Variants in KLHL7 observed in about 807,000 individuals in gnomAD.
The protein encoded by KLHL7 is kelch like family member 7, also known as kelch-like protein 7.
KLHL7 carries 44 observed loss-of-function variants against 67.4 expected under a neutral mutation model. The ratio of observed to expected loss-of-function variants is 0.65; its 90% confidence interval spans 0.51 to 0.84. The LOEUF (loss-of-function observed/expected upper bound fraction) is 0.84, where lower values mean the gene tolerates loss of function less well. Ranked by LOEUF, KLHL7 falls within the 40% of genes least tolerant of loss-of-function variation. The pLI is 0.00. For missense variants in KLHL7, 362 were observed against 718.1 expected (o/e 0.50, Z 5.67); for synonymous variants, 252 against 243.3 (o/e 1.04, Z -0.33).
intron 1 of KLHL7, among the ~76,000 whole-genome samples, chr7:23,108,429 A>G (rs765431569): frequency 3.9e-5 from 6 of 152,180 alleles, no homozygotes; most frequent in Non-Finnish European, 7.3e-5. Context: ...CTCTCCAGTG[A>G]AGTATGGGAT....
chr7:23,171,960 C>T (rs1785176692), intron 9 of KLHL7, among the ~76,000 whole-genome samples: 1 of 152,234 alleles, frequency 6.6e-6, no homozygotes, highest in Admixed American at 6.5e-5. Flanking sequence ...CCGCCTGCCT[C>T]GGCCTCCCAA....
At chr7:23,150,101 T>C (rs1310125872) in intron 6 of KLHL7, among the ~76,000 whole-genome samples, 1 of 152,070 alleles carries the variant, frequency 6.6e-6, no homozygotes, top group Non-Finnish European at 1.5e-5. Flanking sequence ...AAGGTTATAG[T>C]GAGTTGTTAT....
intron 4 of KLHL7, among the ~76,000 whole-genome samples, chr7:23,125,517 T>C (rs887906708): frequency 5.9e-5 from 9 of 152,330 alleles, no homozygotes; most frequent in Middle Eastern, 3.4e-3. Flanking sequence ...CTAAGGTCTA[T>C]CACAGATGAG....
intron 10 of KLHL7, among the ~76,000 whole-genome samples, chr7:23,173,330 C>A (rs958589662): frequency 2.0e-5 from 3 of 152,144 alleles, no homozygotes; most frequent in Admixed American, 1.3e-4. Context: ...AGCTTAAGAA[C>A]TATTGAGCAA....
rs999105752 is a variant in KLHL7 at position 23,176,218 on chromosome 7, C to T, written c.*1920C>T. The T allele has an allele frequency of 6.6e-6, 1 of 152,144 alleles. No individual in the cohort carries two copies. Among genetic ancestry groups the T allele is most frequent in the African/African-American group, 2.4e-5 (1 of 41,426 alleles). 9.4% of individuals were successfully genotyped at this position (152,144 alleles called of 1,614,324 possible). A position where few individuals can be genotyped will look rare whatever the true frequency, so the allele number is the denominator to read the frequency against. ...AGCCAGCACTCCTAAATCAAGTTGT[C>T]AGCAGGGTTAGTTCCTTCTGGAGGG... On this transcript the variant is annotated 3_prime_UTR_variant, in exon 11 of 11. Coordinates refer to ENST00000339077, the MANE Select transcript of KLHL7 (RefSeq NM_001031710.3).
In KLHL7 at chr7:23,154,000, T is replaced by A. The variant is rs1443266950; in HGVS notation, c.936+1791T>A. Among the ~76,000 whole-genome samples the A allele has an allele frequency of 2.6e-5, 4 of 152,220 alleles. No homozygotes were observed. The East Asian group carries it at 7.7e-4, about 29-fold the overall frequency. On this transcript the variant is annotated intron_variant, in intron 7 of 10. Transcript: ENST00000339077. The stretch of plus-strand genomic sequence containing the variant: ...GCATGCCATTCATTCTCTGACCCAG[T>A]TGCAGGAAAGCAGCCATAAACAATA...
chr7:23,141,179 A>G (rs761262487), intron 5 of KLHL7, among the ~76,000 whole-genome samples: 4 of 152,216 alleles, frequency 2.6e-5, no homozygotes, highest in Non-Finnish European at 5.9e-5. Flanking sequence ...GCCTTCCCCA[A>G]AGAAGTCCAC....
intron 1 of KLHL7, among the ~76,000 whole-genome samples, chr7:23,113,133 A>G (rs1236786474): frequency 4.1e-5 from 2 of 49,334 alleles, no homozygotes. Context: ...TCTTTTCTCT[A>G]AAAAAAAAAA....
chr7:23,112,140 C>G (rs1453077069), intron 1 of KLHL7, among the ~76,000 whole-genome samples: 1 of 152,098 alleles, frequency 6.6e-6, no homozygotes, highest in Non-Finnish European at 1.5e-5. Flanking sequence ...TAAGTGTTAG[C>G]TATTTGTATT....
intron 7 of KLHL7, among the ~76,000 whole-genome samples, chr7:23,163,538 A>G (rs1480654984): frequency 2.6e-5 from 4 of 152,240 alleles, no homozygotes; most frequent in Non-Finnish European, 5.9e-5. Flanking sequence ...ACATAGGGCA[A>G]GATACAATGG....
chr7:23,122,796 G>A (rs1384867176), intron 1 of KLHL7, among the ~76,000 whole-genome samples: 3 of 151,888 alleles, frequency 2.0e-5, no homozygotes, highest in Non-Finnish European at 4.4e-5. Context: ...CTTAAAATTT[G>A]CAAAATGCAA....
At chr7:23,118,681 T>C (rs1335604320) in intron 1 of KLHL7, among the ~76,000 whole-genome samples, 1 of 152,216 alleles carries the variant, frequency 6.6e-6, no homozygotes, top group Non-Finnish European at 1.5e-5. Context: ...ATCTCATGGT[T>C]CCTTAAATGA....
rs534737488 is a variant in KLHL7, at chr7:23,175,093, G to A, written c.*795G>A. On this transcript the variant is annotated 3_prime_UTR_variant, in exon 11 of 11. Coordinates refer to ENST00000339077, the MANE Select transcript of KLHL7 (RefSeq NM_001031710.3). ...CTAGCAAAAAGTAAAGCTATTTATA[G>A]CAAATTTCTAGATCATTAGAAAAGC... The A allele has an allele frequency of 1.4e-4, 65 of 453,894 alleles. No individual in the cohort carries two copies. Among genetic ancestry groups the A allele is most frequent in the Non-Finnish European group, 2.7e-4 (62 of 226,758 alleles). 28.1% of individuals were successfully genotyped at this position (453,894 alleles called of 1,614,324 possible). A position where few individuals can be genotyped will look rare whatever the true frequency, so the allele number is the denominator to read the frequency against.
chr7:23,163,756 GAT>G (rs547124542), intron 7 of KLHL7, among the ~76,000 whole-genome samples: 2 of 152,114 alleles, frequency 1.3e-5, no homozygotes, highest in Non-Finnish European at 2.9e-5. Flanking sequence ...TATAATGAGA[GAT>G]ATATCAAAAT....
At chr7:23,144,565 T>C (rs544241011) in intron 6 of KLHL7, among the ~76,000 whole-genome samples, 14 of 152,360 alleles carry the variant, frequency 9.2e-5, no homozygotes, top group African/African-American at 3.1e-4. Context: ...TATTCCAATA[T>C]GAACTGTTTG....
At position 23,175,953 on chromosome 7, in the gene KLHL7, T is replaced by TTAA. The variant is rs1487347587; in HGVS notation, c.*1655_*1656insTAA. Reference sequence around the variant, plus strand: ...CCCAGCCTGGGCAACAGAGCAAGACTAAAAAAAAAAAAAAAAAAAAAAAAA... The same window carrying TTAA: ...CCCAGCCTGGGCAACAGAGCAAGACTTAAAAAAAAAAAAAAAAAAAAAAAAAAA... On this transcript the variant is annotated 3_prime_UTR_variant, in exon 11 of 11. Transcript: ENST00000339077. The TTAA allele has an allele frequency of 3.3e-5, 2 of 60,500 alleles. No homozygotes were observed. The highest frequency in any genetic ancestry group is 1.4e-4 in the African/African-American group (2 of 14,156). 3.7% of individuals were successfully genotyped at this position (60,500 alleles called of 1,614,324 possible).
At chr7:23,169,275 TAAAA>T (rs112937096) in intron 9 of KLHL7, among the ~76,000 whole-genome samples, 7 of 151,788 alleles carry the variant, frequency 4.6e-5, no homozygotes, top group African/African-American at 1.2e-4. Context: ...AAATAAAAAA[TAAAA>T]AAATAAGAGC....
At chr7:23,154,052 C>T (rs1055364432) in intron 7 of KLHL7, among the ~76,000 whole-genome samples, 7 of 152,120 alleles carry the variant, frequency 4.6e-5, no homozygotes, top group Admixed American at 6.6e-5. Context: ...TGGCTGTGTT[C>T]CAATAAGACT....
Position 23,132,953 on chromosome 7 carries a change from G to C in KLHL7, c.442+7781G>C, listed in dbSNP as rs146338914. Among the ~76,000 whole-genome samples the C allele has an allele frequency of 9.9e-3, 1,506 of 152,238 alleles. 37 individuals carry two copies. The highest frequency in any genetic ancestry group is 0.044 in the South Asian group (214 of 4,822). On this transcript the variant is annotated intron_variant, in intron 4 of 10. Coordinates refer to ENST00000339077, the MANE Select transcript of KLHL7 (RefSeq NM_001031710.3). ...CTTTGTTGAAAATGAGTTCACTGTAGGTGTGTTGATTTGTTTCTGGGTCCT... is the reference window on the plus strand; with the variant it reads ...CTTTGTTGAAAATGAGTTCACTGTACGTGTGTTGATTTGTTTCTGGGTCCT...
Sources: allele counts gnomAD v4.1 joint callset (sites outside exome capture counted in the v4.1 genomes callset), GRCh38; gene constraint gnomAD v4.1.1; transcripts MANE v1.5; gene names NCBI Gene and HGNC (gene_info 2026-07-23, HGNC 2026-07-21).